Variants in DSC2 observed in about 807,000 individuals in gnomAD.
DSC2 encodes the protein desmocollin 2.
Under a neutral mutation model 87.6 loss-of-function variants are expected in DSC2, and 51 were observed. The ratio of observed to expected loss-of-function variants is 0.58; its 90% CI spans 0.46 to 0.74. The LOEUF is 0.74. DSC2 is among the 30% of genes least tolerant of loss of function. DSC2 has a pLI of 0.00. For missense variants in DSC2, 1,066 were observed against 1,089.5 expected (o/e 0.98, Z 0.30); for synonymous variants, 383 against 393.2 (o/e 0.97, Z 0.31).
chr18:31,087,596 C>T (rs142689268), intron 6 of DSC2, 73 bp downstream of exon 6: 44 of 1,516,622 alleles, frequency 2.9e-5, no homozygotes, highest in Non-Finnish European at 2.8e-5. Flanking sequence ...TGCTTCTCAA[C>T]GGACATAGTG....
rs369761766 is a variant in DSC2, at chr18:31,092,216, T to C, written c.239A>G (p.Tyr80Cys). The C allele has an allele frequency of 1.6e-5, 26 of 1,613,726 alleles. No homozygotes were observed. Among genetic ancestry groups the C allele is most frequent in the Non-Finnish European group, 2.1e-5 (25 of 1,179,820 alleles). Residue 80 changes from tyrosine to cysteine, a missense_variant, in exon 3 of 16, where the codon TAT (tyrosine) becomes TGT (cysteine). Tyr to Cys is a radical substitution (Grantham distance 194, BLOSUM62 -2). Transcript: ENST00000280904. ...GGACAATAGAATAGTATTTGTTGTATAGACTGAACCATCCTCCAAAATTTG... is the reference window on the plus strand; with the variant it reads ...GGACAATAGAATAGTATTTGTTGTACAGACTGAACCATCCTCCAAAATTTG... ...DFQILEDGSVYTTNTILLSSE... is the reference protein window; with the variant it reads ...DFQILEDGSVCTTNTILLSSE...
intron 1 of DSC2, among the ~76,000 whole-genome samples, chr18:31,098,316 TG>T (rs1199996802): frequency 6.6e-6 from 1 of 152,282 alleles, no homozygotes; most frequent in East Asian, 1.9e-4. Flanking sequence ...GAATTTTCTG[TG>T]GTGTTCTGAA....
At chr18:31,076,275 G>C (rs762320689) in intron 11 of DSC2, among the ~76,000 whole-genome samples, 1 of 152,110 alleles carries the variant, frequency 6.6e-6, no homozygotes, top group Non-Finnish European at 1.5e-5. Flanking sequence ...AGGCCACCAA[G>C]TTAAGAACTG....
intron 1 of DSC2, among the ~76,000 whole-genome samples, chr18:31,099,831 A>C (rs1190924455): frequency 6.6e-6 from 1 of 152,136 alleles, no homozygotes; most frequent in East Asian, 1.9e-4. Context: ...GTATATGGGA[A>C]GGAAGGAAGG....
chr18:31,100,270 C>T (rs1485911806), intron 1 of DSC2, among the ~76,000 whole-genome samples: 1 of 152,144 alleles, frequency 6.6e-6, no homozygotes, highest in Non-Finnish European at 1.5e-5. Flanking sequence ...TCAGTGTATT[C>T]AGTGATACCC....
At chr18:31,090,759 A>G (rs2144842217) in intron 4 of DSC2, among the ~76,000 whole-genome samples, 1 of 152,304 alleles carries the variant, frequency 6.6e-6, no homozygotes, top group East Asian at 1.9e-4. Flanking sequence ...AGCTATTCTT[A>G]GGCTTGGCGA....
At chr18:31,097,099 G>A (rs1378692609) in intron 1 of DSC2, among the ~76,000 whole-genome samples, 9 of 151,772 alleles carry the variant, frequency 5.9e-5, no homozygotes, top group African/African-American at 2.2e-4. Flanking sequence ...TGGCTAACAC[G>A]GTGAAACCCT....
Position 31,080,216 on chromosome 18 carries a change from T to G in DSC2, c.1400A>C (p.Glu467Ala). 1 of 1,614,116 alleles carries G rather than the reference T, an allele frequency of 6.2e-7. No individual in the cohort carries two copies. The highest frequency in any genetic ancestry group is 1.1e-5 in the South Asian group (1 of 91,086). ...TVTVNVEDQD[E>A]GPECNPPIQT... ...TATTGGAGGGTTACACTCAGGGCCC[T>G]CATCCTGATCTTCTACATTAACAGT... is the stretch of plus-strand genomic sequence containing the variant. Residue 467 changes from glutamate (E) to alanine (A), a missense_variant, in exon 10 of 16, where the codon GAG becomes GCG. By Grantham distance (107) the Glu-to-Ala change is moderately radical (BLOSUM62 -1). Transcript: ENST00000280904.
intron 11 of DSC2, among the ~76,000 whole-genome samples, chr18:31,075,864 GAAAGAAAAGA>G (rs141369078): frequency 7.2e-5 from 11 of 151,906 alleles, no homozygotes; most frequent in South Asian, 2.1e-4. Context: ...ACGAAAAAAA[GAAAGAAAAGA>G]AAAGAAAAGA....
intron 12 of DSC2, among the ~76,000 whole-genome samples, chr18:31,073,705 TGA>T (rs1163866860): frequency 6.6e-6 from 1 of 152,152 alleles, no homozygotes; most frequent in Non-Finnish European, 1.5e-5. Context: ...ATAGGCAGTG[TGA>T]GCAGGAGATG....
At chr18:31,078,503 G>A (rs1339012282) in intron 11 of DSC2, among the ~76,000 whole-genome samples, 1 of 151,584 alleles carries the variant, frequency 6.6e-6, no homozygotes, top group African/African-American at 2.4e-5. Context: ...ATTTCAGACA[G>A]CAATTTTTAT....
intron 3 of DSC2, 93 bp downstream of exon 3, chr18:31,092,008 T>C: frequency 7.3e-7 from 1 of 1,362,516 alleles, no homozygotes; most frequent in Non-Finnish European, 1.0e-6. Context: ...AGCCAAACTA[T>C]ACCATATCCT....
At position 31,091,022 on chromosome 18, in the gene DSC2, C is replaced by T. The variant is rs764362617; in HGVS notation, c.474+6G>A. 22 of 1,613,716 alleles carry T rather than the reference C, an allele frequency of 1.4e-5. No individual in the cohort carries two copies. Among genetic ancestry groups the T allele is most frequent in the South Asian group, 5.5e-5 (5 of 91,078 alleles). The stretch of plus-strand genomic sequence containing the variant: ...ACTCCCACAGCAGAAAGAAAGAAAA[C>T]GGTACCTGTTGAAGGAAAAGTGGAA... On this transcript the variant is annotated splice_donor_region_variant and intron_variant, in intron 4 of 15. Coordinates refer to ENST00000280904, the MANE Select transcript of DSC2 (RefSeq NM_024422.6).
chr18:31,079,949 C>T lies in DSC2; in HGVS notation c.1561G>A (p.Asp521Asn). 2.5e-6 allele frequency: 4 copies of T among 1,613,952 alleles called. No homozygotes were observed. Among genetic ancestry groups the T allele is most frequent in the Non-Finnish European group, 3.4e-6 (4 of 1,179,954 alleles). Residue 521 changes from aspartate (D) to asparagine (N), a missense_variant, in exon 11 of 16, where the codon GAT becomes AAT. Coordinates refer to ENST00000280904, the MANE Select transcript of DSC2 (RefSeq NM_024422.6). ...ACTTTGATTGATCCTGTATTTTCAT[C>T]AATGGTGACCCACCCTGTTGGATCA... ...LTDPTGWVTI[D>N]ENTGSIKVFR... is the part of the protein sequence containing the mutation.
At chr18:31,086,819 C>A in intron 6 of DSC2, 77 bp from the exon 7 acceptor site, 1 of 1,524,686 alleles carries the variant, frequency 6.6e-7, no homozygotes, top group South Asian at 1.2e-5. Flanking sequence ...CCTTTTCACC[C>A]ACCTCAAAAA....
intron 12 of DSC2, among the ~76,000 whole-genome samples, chr18:31,073,937 G>T (rs1222411164): frequency 6.6e-6 from 1 of 152,248 alleles, no homozygotes; most frequent in East Asian, 1.9e-4. Flanking sequence ...AGATAACGTG[G>T]TGGACACTGT....
Position 31,092,097 on chromosome 18 carries a change from A to G in DSC2, c.354+4T>C. The G allele has an allele frequency of 6.2e-7, 1 of 1,609,926 alleles. No individual in the cohort carries two copies. The highest frequency in any genetic ancestry group is 8.5e-7 in the Non-Finnish European group (1 of 1,177,370). On this transcript the variant is annotated splice_donor_region_variant and intron_variant, in intron 3 of 15. Transcript: ENST00000280904. ...CATTTCTTCATTTATGTAGCCTTGT[A>G]TACCTTTGTTTGATGCTCCAAAAAG...
In DSC2 at chr18:31,062,684, G is replaced by A. The variant is rs1177066663; in HGVS notation, c.*5331C>T. ...CTTGGGGGTTACATTTCAATATGGG[G>A]CAATTATTGGTGGCTACAAGTAGGT... is the stretch of plus-strand genomic sequence containing the variant. On this transcript the variant is annotated 3_prime_UTR_variant, in exon 16 of 16. Transcript: ENST00000280904. The A allele has an allele frequency of 6.6e-6, 1 of 152,132 alleles. No individual in the cohort carries two copies. The highest frequency in any genetic ancestry group is 1.5e-5 in the Non-Finnish European group (1 of 68,046). The allele number at this position is 152,132 out of a possible 1,614,324, so 9.4% of individuals were successfully genotyped here. A position where few individuals can be genotyped will look rare whatever the true frequency, so the allele number is the denominator to read the frequency against.
chr18:31,080,605 C>G (rs984674750), intron 9 of DSC2, among the ~76,000 whole-genome samples: 3 of 152,136 alleles, frequency 2.0e-5, no homozygotes, highest in Non-Finnish European at 2.9e-5. Context: ...GATTTCCCCA[C>G]TGCTCATGAT....
Sources: gnomAD v4.1 joint callset for allele counts (sites outside exome capture counted in the v4.1 genomes callset) on GRCh38, gnomAD v4.1.1 for gene constraint, MANE v1.5 for transcripts, NCBI Gene and HGNC (gene_info 2026-07-23, HGNC 2026-07-21) for gene names.